The following RRM2 variants were observed in gnomAD, a reference collection of about 807,000 sequenced individuals.
RRM2 encodes ribonucleotide reductase regulatory subunit M2, also known as ribonucleoside-diphosphate reductase subunit M2.
In RRM2, 6 loss-of-function variants were observed where a neutral mutation model predicts 45.9. That is an observed-to-expected ratio of 0.13 (90% CI 0.07 to 0.26). The LOEUF (loss-of-function observed/expected upper bound fraction) is 0.26. Among genes scored for constraint, RRM2 ranks in the 10% least tolerant of loss-of-function variants. RRM2 has a pLI of 1.00. For missense variants in RRM2, 343 were observed against 489.5 expected, an observed-to-expected ratio of 0.70 and a Z score of 2.82; for synonymous variants, 177 against 173.0, an observed-to-expected ratio of 1.02 and a Z score of -0.18.
In RRM2 at chr2:10,172,083, T is replaced by C. The variant is rs998579980; in HGVS notation, n.482+29708T>C. 5.3e-5 allele frequency among the ~76,000 whole-genome samples: 8 copies of C among 152,230 alleles called. No homozygotes were observed. The highest frequency in any genetic ancestry group is 4.6e-4 in the Admixed American group (7 of 15,294). On this transcript the variant is annotated intron_variant and non_coding_transcript_variant, in intron 3 of 3. Transcript: ENST00000381786. The surrounding 1 kb of genome is among the most constrained non-coding windows in gnomAD (Gnocchi z 4.9). ...GGGTCTGCGTGCATTTGAGCATGAGTGCATTAACAGGGGGAACGTCTGTGT... is the reference window on the plus strand; with the variant it reads ...GGGTCTGCGTGCATTTGAGCATGAGCGCATTAACAGGGGGAACGTCTGTGT...
chr2:10,192,103 G>A (rs1250628923), intron 3 of RRM2, among the ~76,000 whole-genome samples: 4 of 115,044 alleles, frequency 3.5e-5, no homozygotes, highest in Non-Finnish European at 7.2e-5. Context: ...GAGCTGCTCT[G>A]TGACAGCCCA....
intron 3 of RRM2, among the ~76,000 whole-genome samples, chr2:10,193,811 G>A (rs1336107146): frequency 1.3e-5 from 2 of 152,214 alleles, no homozygotes; most frequent in African/African-American, 4.8e-5. Context: ...TGGGGATGGG[G>A]CTGGGCCTCT....
At chr2:10,174,073 C>T (rs565688550) in intron 3 of RRM2, among the ~76,000 whole-genome samples, 24 of 152,266 alleles carry the variant, frequency 1.6e-4, no homozygotes, top group African/African-American at 4.6e-4. Flanking sequence ...GTCGTATGGG[C>T]GGGTGCTGAT....
intron 3 of RRM2, among the ~76,000 whole-genome samples, chr2:10,173,838 G>A (rs755990093): frequency 2.0e-5 from 3 of 152,230 alleles, no homozygotes; most frequent in Non-Finnish European, 4.4e-5. Flanking sequence ...GGCCTGGCGC[G>A]GGCTGATTAG....
chr2:10,203,460 G>A (rs1664601742), intron 3 of RRM2, among the ~76,000 whole-genome samples: 1 of 152,098 alleles, frequency 6.6e-6, no homozygotes, highest in Admixed American at 6.5e-5. Flanking sequence ...ATTAATACAT[G>A]TGAGGGTTGG....
At chr2:10,194,514 T>C (rs1664373348) in intron 3 of RRM2, among the ~76,000 whole-genome samples, 1 of 152,092 alleles carries the variant, frequency 6.6e-6, no homozygotes, top group African/African-American at 2.4e-5. Flanking sequence ...GTTACTAACG[T>C]CCCCCCGTGG....
downstream of RRM2, among the ~76,000 whole-genome samples, chr2:10,135,026 A>G (rs1372741673): frequency 1.3e-5 from 2 of 152,250 alleles, no homozygotes; most frequent in Non-Finnish European, 2.9e-5. Context: ...AAGCCAAAAG[A>G]TTATGAAATC....
chr2:10,180,245 G>A (rs1664018929), intron 3 of RRM2, among the ~76,000 whole-genome samples: 1 of 152,206 alleles, frequency 6.6e-6, no homozygotes. Context: ...GGGGGAAGCT[G>A]GCTTGGTCTG....
intron 3 of RRM2, among the ~76,000 whole-genome samples, chr2:10,146,461 G>T (rs986500865): frequency 2.6e-5 from 4 of 152,236 alleles, no homozygotes; most frequent in Admixed American, 2.6e-4. Flanking sequence ...TAGGGAAGGG[G>T]TGTAAGTGGC....
chr2:10,124,439 A>G (rs1478916285), intron 4 of RRM2, among the ~76,000 whole-genome samples: 1 of 152,116 alleles, frequency 6.6e-6, no homozygotes, highest in Non-Finnish European at 1.5e-5. Flanking sequence ...TGCTGTTTTA[A>G]TAATAATTTG....
intron 3 of RRM2, among the ~76,000 whole-genome samples, chr2:10,160,173 C>T (rs919191069): frequency 2.6e-5 from 4 of 152,186 alleles, no homozygotes; most frequent in African/African-American, 4.8e-5. Flanking sequence ...GCACATAGTT[C>T]GGGTTTCACC....
intron 3 of RRM2, chr2:10,156,264 A>G (rs558806837): frequency 2.0e-5 from 3 of 152,326 alleles, no homozygotes; most frequent in Admixed American, 2.0e-4. Context: ...ACAAACTCAT[A>G]ATGTTTTAAG....
At chr2:10,158,118 G>A (rs905746927) in intron 3 of RRM2, among the ~76,000 whole-genome samples, 1 of 152,114 alleles carries the variant, frequency 6.6e-6, no homozygotes, top group Non-Finnish European at 1.5e-5. Flanking sequence ...ACAACCCTTT[G>A]AGATGGGATG....
rs1284006060 is a variant in RRM2 at position 10,129,091 on chromosome 2, T to C, written c.954T>C (p.Thr318=). 6 of 1,614,114 alleles carry C rather than the reference T, an allele frequency of 3.7e-6. No individual in the cohort carries two copies. Among genetic ancestry groups the C allele is most frequent in the Admixed American group, 3.3e-5 (2 of 60,012 alleles). The change falls in exon 9 of 10, where the codon ACT becomes ACC. Residue 318 remains threonine, a synonymous_variant. Coordinates refer to ENST00000304567, the MANE Select transcript of RRM2 (RefSeq NM_001034.4). This position sits in a 1 kb window ranked among gnomAD's most constrained non-coding sequence, Gnocchi z 4.8. The part of the protein sequence containing the change: ...LPVKLIGMNC[T]LMKQYIEFVA... ...TGAAGCTCATTGGGATGAATTGCAC[T>C]CTAATGAAGCAATACATTGAGTTTG...
At chr2:10,160,881 G>A (rs924102242) in intron 3 of RRM2, among the ~76,000 whole-genome samples, 3 of 152,088 alleles carry the variant, frequency 2.0e-5, no homozygotes, top group Admixed American at 6.5e-5. Flanking sequence ...TGTTGCCTGC[G>A]CCCCTGCAGT....
At chr2:10,123,257 G>T (rs1349506586) in intron 2 of RRM2, 130 bp from the exon 3 acceptor site, 67 of 1,319,180 alleles carry the variant, frequency 5.1e-5, no homozygotes, top group Non-Finnish European at 6.5e-5. Flanking sequence ...CCCACGGAGT[G>T]CGACGGGACA....
rs565116242 is a variant in RRM2, at chr2:10,188,778, C to T, written n.483-21533C>T. 2.4e-4 allele frequency among the ~76,000 whole-genome samples: 36 copies of T among 152,250 alleles called. No homozygotes were observed. The Middle Eastern group carries it at 0.01, about 43-fold the overall frequency. ...CACCAGCACTGCAAACACACCAGAC[C>T]CCTGAAGAGAGGGTCAGGCGCTCAG... On this transcript the variant is annotated intron_variant and non_coding_transcript_variant, in intron 3 of 3. Transcript: ENST00000381786.
In RRM2 at chr2:10,159,262, G is replaced by C. The variant is rs180695721; in HGVS notation, n.482+16887G>C. ...AAACAGTGGCTACCAGGTGCCCCAGGTACCCAGACGATGAGCAAAGCCCCA... is the reference window on the plus strand; with the variant it reads ...AAACAGTGGCTACCAGGTGCCCCAGCTACCCAGACGATGAGCAAAGCCCCA... On this transcript the variant is annotated intron_variant and non_coding_transcript_variant, in intron 3 of 3. Coordinates refer to the RRM2 transcript ENST00000381786. Among the ~76,000 whole-genome samples the C allele has an allele frequency of 3.2e-3, 487 of 152,306 alleles. 5 individuals carry two copies. The highest frequency in any genetic ancestry group is 0.017 in the Middle Eastern group (5 of 294).
rs1664523394 is a variant in RRM2, at chr2:10,200,398, C to CCGCGCACACAAAA, written n.483-9913_483-9912insCGCGCACACAAAA. On this transcript the variant is annotated intron_variant and non_coding_transcript_variant, in intron 3 of 3. Coordinates refer to the RRM2 transcript ENST00000381786. ...CTCAGGTCAGAAACCTGCACAGGGA[C>CCGCGCACACAAAA]TGCGCGCACAAAATATGAGGCCCAC... Among the ~76,000 whole-genome samples the CCGCGCACACAAAA allele has an allele frequency of 1.3e-5, 2 of 151,222 alleles. 1 individual carries two copies. The highest frequency in any genetic ancestry group is 4.2e-4 in the South Asian group (2 of 4,786).
Sources: gnomAD v4.1 joint callset for allele counts (sites outside exome capture counted in the v4.1 genomes callset) on GRCh38, gnomAD v4.1.1 for gene constraint, Gnocchi (gnomAD v3.1) non-coding constraint, MANE v1.5 for transcripts, NCBI Gene and HGNC (gene_info 2026-07-23, HGNC 2026-07-21) for gene names.